MAPK10: variants seen among roughly 807,000 people sequenced by gnomAD.
MAPK10 encodes JNK3 alpha protein kinase.
Under a neutral mutation model 59.3 loss-of-function variants are expected in MAPK10, and 25 were observed. That is an observed-to-expected ratio of 0.42 (90% CI 0.31 to 0.59). The LOEUF (loss-of-function observed/expected upper bound fraction) is 0.59. Among genes scored for constraint, MAPK10 ranks in the 20% least tolerant of loss-of-function variants. The pLI, the probability that MAPK10 is intolerant of heterozygous loss-of-function variation, is 0.15. For synonymous variants in MAPK10, 190 were observed against 200.5 expected (o/e 0.95, Z 0.44); for missense variants, 351 against 568.9 (o/e 0.62, Z 3.90).
rs537918753 is a variant in MAPK10, at chr4:86,137,216, A to T, written c.236+22082T>A. ...GACATCTACAGAACTCACCACCCCT[A>T]ATCAACAGAATATACATTTTTTCAG... On this transcript the variant is annotated intron_variant, in intron 4 of 13. Coordinates refer to ENST00000641462, the MANE Select transcript of MAPK10 (RefSeq NM_138982.4). Among the ~76,000 whole-genome samples, 4 of 152,082 alleles carry T rather than the reference A, an allele frequency of 2.6e-5. No individual in the cohort carries two copies. In the South Asian group the frequency reaches 6.2e-4, roughly 24 times the overall value.
At chr4:86,114,150 G>T (rs1254777035) in intron 4 of MAPK10, among the ~76,000 whole-genome samples, 1 of 152,118 alleles carries the variant, frequency 6.6e-6, no homozygotes, top group Non-Finnish European at 1.5e-5. Context: ...CTTTGCATTG[G>T]GTTAGAACAT....
intron 11 of MAPK10, among the ~76,000 whole-genome samples, chr4:86,034,442 A>G (rs955387560): frequency 2.0e-5 from 3 of 152,224 alleles, no homozygotes; most frequent in Non-Finnish European, 4.4e-5. Flanking sequence ...AACATGTCCA[A>G]ATTGTTTCAA....
At chr4:86,514,455 G>A (rs1374204531) in intron 1 of MAPK10, among the ~76,000 whole-genome samples, 1 of 152,084 alleles carries the variant, frequency 6.6e-6, no homozygotes, top group African/African-American at 2.4e-5. Flanking sequence ...ACTATGGTAT[G>A]TATATTTCCA....
At chr4:86,413,045 T>TA (rs1035142989) in intron 1 of MAPK10, among the ~76,000 whole-genome samples, 1 of 152,238 alleles carries the variant, frequency 6.6e-6, no homozygotes, top group African/African-American at 2.4e-5. Flanking sequence ...TGGTTTTATC[T>TA]ACTTTTGGTC....
chr4:86,062,552 T>C (rs2045941669), intron 11 of MAPK10, among the ~76,000 whole-genome samples: 1 of 152,096 alleles, frequency 6.6e-6, no homozygotes, highest in East Asian at 1.9e-4. Flanking sequence ...AATTAAACTC[T>C]AGGCCACAAT....
chr4:86,409,157 G>C (rs963366261), intron 1 of MAPK10, among the ~76,000 whole-genome samples: 2 of 152,148 alleles, frequency 1.3e-5, no homozygotes, highest in Admixed American at 6.6e-5. Flanking sequence ...ATTAAATAGG[G>C]AATCCTTTCC....
intron 1 of MAPK10, among the ~76,000 whole-genome samples, chr4:86,474,200 T>C (rs1752886818): frequency 6.6e-6 from 1 of 152,240 alleles, no homozygotes; most frequent in Admixed American, 6.5e-5. Flanking sequence ...GCACAATTTT[T>C]ATTTGTTAGA....
At chr4:86,195,798 T>C (rs1277204308) in intron 2 of MAPK10, among the ~76,000 whole-genome samples, 1 of 152,162 alleles carries the variant, frequency 6.6e-6, no homozygotes, top group African/African-American at 2.4e-5. Flanking sequence ...CAGCTCCCAC[T>C]TATGAGTGAG....
At chr4:86,389,003 A>T (rs1564783876) in intron 1 of MAPK10, among the ~76,000 whole-genome samples, 1 of 152,210 alleles carries the variant, frequency 6.6e-6, no homozygotes, top group Non-Finnish European at 1.5e-5. Context: ...GATATGGTTC[A>T]GATTTGTGTC....
intron 2 of MAPK10, among the ~76,000 whole-genome samples, chr4:86,204,548 T>G (rs1448821570): frequency 6.6e-6 from 1 of 151,962 alleles, no homozygotes; most frequent in Non-Finnish European, 1.5e-5. Flanking sequence ...ATGGGAAGCA[T>G]AGACATAGAC....
intron 2 of MAPK10, chr4:86,325,841 T>C (rs897313616): frequency 6.6e-6 from 1 of 152,192 alleles, no homozygotes; most frequent in African/African-American, 2.4e-5. Flanking sequence ...TAAACTTTTA[T>C]AAAGCAAAAA....
chr4:86,171,387 C>A (rs1029271993), intron 3 of MAPK10, among the ~76,000 whole-genome samples: 10 of 151,912 alleles, frequency 6.6e-5, no homozygotes, highest in African/African-American at 2.4e-4. Flanking sequence ...AGATATAGAT[C>A]AATGGAACAG....
intron 2 of MAPK10, among the ~76,000 whole-genome samples, chr4:86,199,403 CTCTT>C (rs937965369): frequency 2.6e-5 from 4 of 151,314 alleles, no homozygotes; most frequent in Non-Finnish European, 4.4e-5. Context: ...ATGACAACAT[CTCTT>C]TTTTTTGTTA....
At chr4:86,516,366 C>T (rs1417897396) in intron 1 of MAPK10, among the ~76,000 whole-genome samples, 2 of 151,946 alleles carry the variant, frequency 1.3e-5, no homozygotes, top group Non-Finnish European at 2.9e-5. Flanking sequence ...GATATGTGGG[C>T]TCTTTTTTGG....
intron 2 of MAPK10, among the ~76,000 whole-genome samples, chr4:86,255,947 A>G (rs928786315): frequency 2.2e-4 from 34 of 152,204 alleles, no homozygotes; most frequent in Admixed American, 2.2e-3. Context: ...TACCTAAAAT[A>G]TAATTATTCA....
At chr4:86,547,540 G>A (rs1260812242) in intron 1 of MAPK10, among the ~76,000 whole-genome samples, 6 of 152,288 alleles carry the variant, frequency 3.9e-5, no homozygotes, top group Admixed American at 6.5e-5. Flanking sequence ...AGCCTCCCCC[G>A]CGCTCCCTGG....
At chr4:86,314,377 C>T (rs79947678) in intron 2 of MAPK10, among the ~76,000 whole-genome samples, 1,646 of 152,208 alleles carry the variant, frequency 0.011, 36 homozygotes, top group African/African-American at 0.038. Flanking sequence ...GGGACAGTTT[C>T]CCCCATACTG....
In MAPK10 at chr4:86,556,033, A is replaced by G. The variant is rs72868883; in HGVS notation, c.-263+37877T>C. 1.3e-3 allele frequency among the ~76,000 whole-genome samples: 199 copies of G among 152,362 alleles called. 1 individual carries two copies. The highest frequency in any genetic ancestry group is 4.6e-3 in the African/African-American group (192 of 41,590). ...AGTATGAATTTCAATGGTTTGAGCC[A>G]TAACATTTTACAGTCCATTGCATTT... On this transcript the variant is annotated intron_variant, in intron 1 of 4. Transcript: ENST00000502302.
At chr4:86,581,902 TATATA>T (rs1565075299) in intron 1 of MAPK10, among the ~76,000 whole-genome samples, 49 of 1,840 alleles carry the variant, frequency 0.027, 1 homozygote, top group Middle Eastern at 0.25. Flanking sequence ...ATATATATTA[TATATA>T]TATATATATA....
Sources: allele counts gnomAD v4.1 joint callset (sites outside exome capture counted in the v4.1 genomes callset), GRCh38; gene constraint gnomAD v4.1.1; transcripts MANE v1.5; gene names NCBI Gene and HGNC (gene_info 2026-07-23, HGNC 2026-07-21).